The following BLTP3A variants were observed in gnomAD, a reference collection of about 807,000 sequenced individuals.
BLTP3A encodes the protein ICBP90 binding protein 1.
the BLTP3A span, chr6:34,822,021 G>A: frequency 1.9e-6 from 3 of 1,596,102 alleles, no homozygotes; most frequent in Non-Finnish European, 1.7e-6. Flanking sequence ...TAGAAGATAA[G>A]GGAGAAAATG....
At chr6:34,834,196 G>A in the BLTP3A span, 1 of 1,609,848 alleles carries the variant, frequency 6.2e-7, no homozygotes, top group Non-Finnish European at 8.5e-7. Flanking sequence ...TCTGATTGTT[G>A]GTCTACCTCA....
At chr6:34,866,966 T>A in the BLTP3A span, among the ~76,000 whole-genome samples, 3 of 152,312 alleles carry the variant, frequency 2.0e-5, no homozygotes, top group East Asian at 5.8e-4. Context: ...CCACATTGCT[T>A]ATCCTTGCAT....
chr6:34,855,619 G>A, the BLTP3A span: 1 of 1,613,244 alleles, frequency 6.2e-7, no homozygotes, highest in African/African-American at 1.3e-5. Flanking sequence ...TTTTATAGGT[G>A]TCTCTGCCAA....
the BLTP3A span, among the ~76,000 whole-genome samples, chr6:34,823,094 T>A: frequency 3.9e-5 from 6 of 152,242 alleles, no homozygotes; most frequent in Non-Finnish European, 8.8e-5. Flanking sequence ...CATTTTAGTT[T>A]GTTCATTCAT....
the BLTP3A span, chr6:34,863,977 G>A: frequency 6.5e-7 from 1 of 1,540,510 alleles, no homozygotes; most frequent in Non-Finnish European, 8.8e-7. Flanking sequence ...CCACATTTGT[G>A]GTTTTTGTTT....
At chr6:34,836,913 T>C in the BLTP3A span, among the ~76,000 whole-genome samples, 2 of 152,244 alleles carry the variant, frequency 1.3e-5, no homozygotes, top group Non-Finnish European at 2.9e-5. Flanking sequence ...ACTGATTGCT[T>C]TCCTTTATGA....
At chr6:34,792,403 G>T in the BLTP3A span, 7 of 1,150,972 alleles carry the variant, frequency 6.1e-6, no homozygotes, top group Middle Eastern at 2.5e-4. Flanking sequence ...CCAGCCCGGA[G>T]CCCGGACTCC....
chr6:34,859,034 C>T, the BLTP3A span: 1 of 1,614,190 alleles, frequency 6.2e-7, no homozygotes, highest in Non-Finnish European at 8.5e-7. Context: ...GCTGTCGATG[C>T]TGACTCTGCA....
chr6:34,857,854 G>A, the BLTP3A span: 2 of 1,614,036 alleles, frequency 1.2e-6, no homozygotes, highest in Admixed American at 3.3e-5. Flanking sequence ...CTATCTACAA[G>A]CTGGAAGATT....
the BLTP3A span, among the ~76,000 whole-genome samples, chr6:34,808,360 A>AAAAAAAAAAAAAAAG: frequency 6.6e-6 from 1 of 150,742 alleles, no homozygotes; most frequent in Non-Finnish European, 1.5e-5. Context: ...AAAAAAAAAA[A>AAAAAAAAAAAAAAAG]AAAAAAAAAA....
At chr6:34,826,380 A>G in the BLTP3A span, among the ~76,000 whole-genome samples, 1 of 137,332 alleles carries the variant, frequency 7.3e-6, no homozygotes, top group Non-Finnish European at 1.5e-5. Flanking sequence ...TTTTTTTGAG[A>G]CAAAGTTTTG....
the BLTP3A span, among the ~76,000 whole-genome samples, chr6:34,808,346 C>CAAAAAAA: frequency 4.4e-3 from 117 of 26,708 alleles, 8 homozygotes; most frequent in Non-Finnish European, 5.3e-3. Flanking sequence ...AACTCCGTCT[C>CAAAAAAA]AAAAAAAAAA....
the BLTP3A span, among the ~76,000 whole-genome samples, chr6:34,816,388 TGAGCC>T: frequency 0.44 from 66,024 of 151,424 alleles, 16,136 homozygotes; most frequent in African/African-American, 0.67. Context: ...GAGGATTGCT[TGAGCC>T]GAGCCCAGAA....
chr6:34,792,148 C>A, the BLTP3A span: 1 of 1,050,716 alleles, frequency 9.5e-7, no homozygotes, highest in Non-Finnish European at 1.2e-6. Context: ...CGGCTGTGTC[C>A]GGTGCTCACG....
chr6:34,872,065 C>T, the BLTP3A span: 19 of 928,166 alleles, frequency 2.0e-5, no homozygotes, highest in Admixed American at 3.8e-4. Flanking sequence ...CACCTAGCAG[C>T]GGCTTCTAGA....
At chr6:34,818,164 G>T in the BLTP3A span, among the ~76,000 whole-genome samples, 1 of 152,220 alleles carries the variant, frequency 6.6e-6, no homozygotes, top group East Asian at 1.9e-4. Flanking sequence ...GGCCAGATGT[G>T]TAGGATTAAG....
At chr6:34,804,989 A>G in the BLTP3A span, among the ~76,000 whole-genome samples, 1 of 152,230 alleles carries the variant, frequency 6.6e-6, no homozygotes, top group Admixed American at 6.5e-5. Context: ...CATTGAGATA[A>G]ATAAATTAAT....
the BLTP3A span, among the ~76,000 whole-genome samples, chr6:34,830,130 G>A: frequency 8.5e-3 from 1,288 of 151,874 alleles, 20 homozygotes; most frequent in African/African-American, 0.027. Flanking sequence ...GCTAATTTTT[G>A]TATTTTTAGC....
chr6:34,857,006 G>C, the BLTP3A span: 1 of 1,545,828 alleles, frequency 6.5e-7, no homozygotes, highest in Non-Finnish European at 8.7e-7. Context: ...TATAAACAAA[G>C]TTTTGGAATT....
Sources: allele counts gnomAD v4.1 joint callset (sites outside exome capture counted in the v4.1 genomes callset), GRCh38; gene constraint gnomAD v4.1.1; transcripts MANE v1.5; gene names NCBI Gene and HGNC (gene_info 2026-07-23, HGNC 2026-07-21).